The following SART3 variants were observed in gnomAD, a reference collection of about 807,000 sequenced individuals.
SART3 encodes spliceosome associated factor 3, U4/U6 recycling protein.
A neutral mutation model predicts 122.3 loss-of-function variants in SART3; 44 were observed. The observed-to-expected ratio is 0.36, with a 90% CI of 0.28 to 0.46. The LOEUF is 0.46. SART3 is among the 20% of genes least tolerant of loss of function. SART3 has a pLI of 1.00. For missense variants in SART3, 1,101 were observed against 1,229.0 expected (o/e 0.90, Z 1.56); for synonymous variants, 442 against 454.0 (o/e 0.97, Z 0.34).
intron 12 of SART3, among the ~76,000 whole-genome samples, chr12:108,534,755 T>C (rs1040028409): frequency 1.2e-4 from 18 of 152,160 alleles, no homozygotes; most frequent in Admixed American, 1.3e-4. Flanking sequence ...CAGTGTTTTT[T>C]AAATAGGGAA....
At chr12:108,557,085 A>T (rs1264053909) in intron 1 of SART3, among the ~76,000 whole-genome samples, 1 of 152,222 alleles carries the variant, frequency 6.6e-6, no homozygotes, top group Non-Finnish European at 1.5e-5. Context: ...CTCTGAAAGT[A>T]CATATATTAA....
intron 4 of SART3, 100 bp downstream of exon 4, chr12:108,545,039 A>G (rs1266715346): frequency 1.6e-6 from 2 of 1,212,582 alleles, no homozygotes; most frequent in Admixed American, 1.7e-5. Flanking sequence ...TAACTATATG[A>G]ACTGCAAGAT....
Position 108,531,206 on chromosome 12 carries a change from T to C in SART3, c.1744A>G (p.Lys582Glu), listed in dbSNP as rs1296257585. 1.2e-6 allele frequency: 2 copies of C among 1,613,780 alleles called. No homozygotes were observed. Among genetic ancestry groups the C allele is most frequent in the Admixed American group, 1.7e-5 (1 of 60,020 alleles). Residue 582 changes from lysine to glutamate, a missense_variant and splice_region_variant, in exon 14 of 19, where the codon AAG becomes GAG. Physicochemically the swap from Lys to Glu is moderately conservative, Grantham distance 56 (BLOSUM62 1). Around this residue, in one of 2 missense-constraint regions of SART3, gnomAD observed 885 missense variants for 1,080.1 expected, o/e 0.82. Transcript: ENST00000546815. Reference sequence around the variant, plus strand: ...AAGACTTCAAACATTGTCATTACCTTCATTCTCTGCTCATTGACACGAGCT... The same window carrying C: ...AAGACTTCAAACATTGTCATTACCTCCATTCTCTGCTCATTGACACGAGCT... ...RLARVNEQRM[K>E]AAEKEAALVQ...
intron 1 of SART3, among the ~76,000 whole-genome samples, chr12:108,552,267 A>C (rs1176108770): frequency 6.6e-6 from 1 of 152,162 alleles, no homozygotes; most frequent in Non-Finnish European, 1.5e-5. Context: ...CATCATTCCT[A>C]ATGGTAAAAG....
intron 3 of SART3, among the ~76,000 whole-genome samples, chr12:108,547,021 T>C (rs1873456011): frequency 6.6e-6 from 1 of 152,158 alleles, no homozygotes; most frequent in Non-Finnish European, 1.5e-5. Context: ...GGTTTTGCCA[T>C]GTTGGCCAGG....
intron 3 of SART3, 40 bp downstream of exon 3, chr12:108,547,847 G>T: frequency 2.1e-6 from 3 of 1,429,520 alleles, no homozygotes; most frequent in South Asian, 1.2e-5. Flanking sequence ...TGATATATAT[G>T]ACATTGCCAG....
At position 108,556,088 on chromosome 12, in the gene SART3, T is replaced by C. The variant is rs1322204742; in HGVS notation, c.312+4755A>G. ...ACCCCCAGGTTGAAAAACAGTGACT[T>C]TGAGAAACTCTCTTTTTTTTTTTTT... On this transcript the variant is annotated intron_variant, in intron 1 of 18. Transcript: ENST00000546815. Among the ~76,000 whole-genome samples the C allele has an allele frequency of 2.3e-5, 3 of 128,596 alleles. No homozygotes were observed. In the Admixed American group the frequency reaches 2.7e-4, roughly 12 times the overall value. 84.4% of individuals were successfully genotyped at this position (128,596 alleles called of 152,430 possible).
chr12:108,552,385 A>T (rs2030041886), intron 1 of SART3, among the ~76,000 whole-genome samples: 2 of 152,136 alleles, frequency 1.3e-5, no homozygotes, highest in Admixed American at 6.5e-5. Flanking sequence ...AGACAAGGAA[A>T]AGAAATAAAA....
intron 6 of SART3, among the ~76,000 whole-genome samples, chr12:108,539,839 CCCAGACACACTGTA>C (rs1873079814): frequency 6.6e-6 from 1 of 152,110 alleles, no homozygotes. Flanking sequence ...GAATTAGTTA[CCCAGACACACTGTA>C]CCATTCAAAA....
At chr12:108,548,902 T>G (rs2029883854) in intron 2 of SART3, among the ~76,000 whole-genome samples, 186 bp downstream of exon 2, 1 of 152,250 alleles carries the variant, frequency 6.6e-6, no homozygotes, top group Non-Finnish European at 1.5e-5. Context: ...CCGTGTTATA[T>G]GATCATAACT....
intron 1 of SART3, among the ~76,000 whole-genome samples, chr12:108,556,883 G>A (rs1378778342): frequency 1.3e-5 from 2 of 152,214 alleles, no homozygotes; most frequent in African/African-American, 4.8e-5. Context: ...AGGAGTGGGA[G>A]AGCACTTGCT....
intron 1 of SART3, among the ~76,000 whole-genome samples, chr12:108,554,356 T>C (rs541680705): frequency 6.6e-6 from 1 of 152,284 alleles, no homozygotes; most frequent in South Asian, 2.1e-4. Flanking sequence ...ACAAAAATCC[T>C]AAATAAAATA....
At chr12:108,532,410 C>CCTT in intron 12 of SART3, 76 bp from the exon 13 acceptor site, 1 of 1,223,290 alleles carries the variant, frequency 8.2e-7, no homozygotes, top group Non-Finnish European at 1.2e-6. Flanking sequence ...CCGTCTTCTC[C>CCTT]CAGGTAGAAA....
Position 108,526,440 on chromosome 12 carries a change from G to C in SART3, c.2029C>G (p.Pro677Ala), listed in dbSNP as rs1484601433. 8 of 1,614,024 alleles carry C rather than the reference G, an allele frequency of 5.0e-6. No homozygotes were observed. The highest frequency in any genetic ancestry group is 6.8e-6 in the Non-Finnish European group (8 of 1,180,038). The change falls in exon 16 of 19, where the codon CCC becomes GCC. Residue 677 changes from proline to alanine, a missense_variant. This residue lies in a region of SART3 where 885 missense variants were observed against 1,080.1 expected (regional missense o/e 0.82). Transcript: ENST00000546815. ...AGKCAAVDVEPPSKQKEKAAS... is the reference protein window; with the variant it reads ...AGKCAAVDVEAPSKQKEKAAS... ...GCCTTCTCCTTCTGCTTCGAAGGGG[G>C]CTCCACATCTACGGCAGCACATTTC...
intron 1 of SART3, chr12:108,560,554 T>G: frequency 4.5e-6 from 2 of 448,054 alleles, no homozygotes; most frequent in South Asian, 5.6e-5. Flanking sequence ...GCAGGAAGTG[T>G]TATCTTGAGC....
In SART3 at chr12:108,530,161, C is replaced by A. The variant is rs371111141; in HGVS notation, c.1896G>T (p.Glu632Asp). The change falls in exon 15 of 19, where the codon GAG becomes GAT. Residue 632 changes from glutamate to aspartate, a missense_variant. Coordinates refer to ENST00000546815, the MANE Select transcript of SART3 (RefSeq NM_014706.4). ...KRGADEDDEKEWGDDEEEQPS... is the reference protein window; with the variant it reads ...KRGADEDDEKDWGDDEEEQPS... ...CCTTACCTTCTTCATCATCGCCCCA[C>A]TCTTTCTCATCATCCTCATCTGCTC... The A allele has an allele frequency of 3.7e-6, 6 of 1,614,056 alleles. No homozygotes were observed. The African/African-American group carries it at 8.0e-5, about 22-fold the overall frequency.
At chr12:108,560,708 G>C (rs1028116888) in intron 1 of SART3, 135 bp downstream of exon 1, 3 of 684,550 alleles carry the variant, frequency 4.4e-6, no homozygotes, top group Non-Finnish European at 2.4e-6. Context: ...AATCCGACAG[G>C]AGCTACTGTC....
At position 108,536,696 on chromosome 12, in the gene SART3, G is replaced by C. The variant is rs1053721916; in HGVS notation, c.1387+12C>G. 3 of 1,613,520 alleles carry C rather than the reference G, an allele frequency of 1.9e-6. No individual in the cohort carries two copies. The highest frequency in any genetic ancestry group is 2.5e-6 in the Non-Finnish European group (3 of 1,179,734). On this transcript the variant is annotated intron_variant, in intron 10 of 18. Coordinates refer to ENST00000546815, the MANE Select transcript of SART3 (RefSeq NM_014706.4). ...TACAACTGGGCAAAACCACAGGCTG[G>C]GGCATACTTACGCTCTTCCACCTCC...
At chr12:108,524,878 G>T (rs980615878) in intron 17 of SART3, 2 of 353,608 alleles carry the variant, frequency 5.7e-6, no homozygotes, top group East Asian at 7.1e-5. Flanking sequence ...GTGAGCCCTC[G>T]TGTTTCTGTG....
Sources: allele counts gnomAD v4.1 joint callset (sites outside exome capture counted in the v4.1 genomes callset), GRCh38; gene constraint gnomAD v4.1.1; regional missense constraint gnomAD v4.1.1; transcripts MANE v1.5; gene names NCBI Gene and HGNC (gene_info 2026-07-23, HGNC 2026-07-21).